FDFT1: variants seen among roughly 807,000 people sequenced by gnomAD.
FDFT1 encodes farnesyl-diphosphate farnesyltransferase 1, also known as squalene synthase.
In FDFT1, 68 loss-of-function variants were observed where a neutral mutation model predicts 46.8. The ratio of observed to expected loss-of-function variants is 1.45; its 90% CI spans 1.19 to 1.78. The LOEUF (loss-of-function observed/expected upper bound fraction) is 1.78, where lower values mean the gene tolerates loss of function less well. Among genes scored for constraint, FDFT1 ranks in the 40% most tolerant of loss-of-function variants. FDFT1 has a pLI of 0.00. For synonymous variants in FDFT1, 351 were observed against 185.1 expected (o/e 1.90, Z -7.28); for missense variants, 928 against 524.4 (o/e 1.77, Z -7.52).
At chr8:11,825,668 A>G (rs1407508970) in intron 4 of FDFT1, among the ~76,000 whole-genome samples, 2 of 146,512 alleles carry the variant, frequency 1.4e-5, no homozygotes, top group Admixed American at 6.8e-5. Flanking sequence ...ACGTGGGCAA[A>G]TATATGAGAC....
intron 3 of FDFT1, among the ~76,000 whole-genome samples, chr8:11,818,909 T>A (rs575940700): frequency 4.6e-4 from 70 of 152,362 alleles, no homozygotes; most frequent in African/African-American, 1.6e-3. Flanking sequence ...TGTTTGCTGG[T>A]TATTTTGCCC....
intron 3 of FDFT1, among the ~76,000 whole-genome samples, chr8:11,818,891 C>T (rs1307981195): frequency 6.6e-6 from 1 of 152,152 alleles, no homozygotes; most frequent in Non-Finnish European, 1.5e-5. Flanking sequence ...TTTGATCTGT[C>T]ATTATGATGT....
chr8:11,807,134 T>G (rs1240895463), intron 1 of FDFT1, among the ~76,000 whole-genome samples: 1 of 152,058 alleles, frequency 6.6e-6, no homozygotes, highest in African/African-American at 2.4e-5. Context: ...CCATATTTTT[T>G]TAACCACTCC....
chr8:11,811,388 G>C (rs779922527), intron 3 of FDFT1, among the ~76,000 whole-genome samples: 8 of 152,206 alleles, frequency 5.3e-5, no homozygotes, highest in Non-Finnish European at 8.8e-5. Flanking sequence ...CATTTGACTT[G>C]AGTGGATTCA....
At chr8:11,813,376 A>G (rs79979368) in intron 3 of FDFT1, among the ~76,000 whole-genome samples, 1,675 of 152,320 alleles carry the variant, frequency 0.011, 26 homozygotes, top group African/African-American at 0.038. Context: ...GTTACTTACT[A>G]AATATATTTC....
rs1182464112 is a variant in FDFT1 at position 11,838,684 on chromosome 8, C to G, written c.*75C>G. ...TTTCTTTAAGGATGGATGTTGTGTT[C>G]TCTTTATTTTTTTCCTACTACTTTA... On this transcript the variant is annotated 3_prime_UTR_variant, in exon 8 of 8. Transcript: ENST00000220584. 5 of 1,180,760 alleles carry G rather than the reference C, an allele frequency of 4.2e-6. No individual in the cohort carries two copies. Among genetic ancestry groups the G allele is most frequent in the African/African-American group, 3.0e-5 (2 of 66,074 alleles). 73.1% of individuals were successfully genotyped at this position (1,180,760 alleles called of 1,614,324 possible).
chr8:11,838,796 T>C lies in FDFT1; in HGVS notation c.*187T>C. The C allele has an allele frequency of 1.7e-6, 1 of 601,046 alleles. No homozygotes were observed. Among genetic ancestry groups the C allele is most frequent in the East Asian group, 2.9e-5 (1 of 34,614 alleles). The allele number at this position is 601,046 out of a possible 1,614,324, so 37.2% of individuals were successfully genotyped here. A position where few individuals can be genotyped will look rare whatever the true frequency, so the allele number is the denominator to read the frequency against. On this transcript the variant is annotated 3_prime_UTR_variant, in exon 8 of 8. Transcript: ENST00000220584. ...CCTAAACATGAAAGGAAAGGGTGCC[T>C]CATCCCAGCAACCTGTCCTTGTGGG...
intron 3 of FDFT1, 167 bp downstream of exon 3, chr8:11,810,017 T>G: frequency 1.8e-6 from 1 of 552,922 alleles, no homozygotes; most frequent in Middle Eastern, 4.8e-4. Context: ...CCAGGCTGCC[T>G]GGGTTGGAAT....
At chr8:11,828,931 A>AT (rs370329519) in intron 5 of FDFT1, among the ~76,000 whole-genome samples, 27 of 151,904 alleles carry the variant, frequency 1.8e-4, no homozygotes, top group East Asian at 5.8e-4. Context: ...GGTTCTTCCC[A>AT]TTTTTTTTGG....
chr8:11,802,141 T>A (rs1015837282), upstream of FDFT1: 2 of 452,714 alleles, frequency 4.4e-6, no homozygotes, highest in African/African-American at 4.0e-5. Flanking sequence ...GCTCCAGGAG[T>A]GTGTGGGGCT....
rs991184475 is a variant in FDFT1, at chr8:11,838,712, C to T, written c.*103C>T. 15 of 919,462 alleles carry T rather than the reference C, an allele frequency of 1.6e-5. No homozygotes were observed. The highest frequency in any genetic ancestry group is 1.3e-4 in the South Asian group (9 of 71,792). The allele number at this position is 919,462 out of a possible 1,614,324, so 57.0% of individuals were successfully genotyped here. A position where few individuals can be genotyped will look rare whatever the true frequency, so the allele number is the denominator to read the frequency against. ...TTTATTTTTTTCCTACTACTTTAAT[C>T]CCTAAAAGAACGCTGTGTGGCTGGG... On this transcript the variant is annotated 3_prime_UTR_variant, in exon 8 of 8. Coordinates refer to ENST00000220584, the MANE Select transcript of FDFT1 (RefSeq NM_004462.5).
At chr8:11,825,476 G>T (rs1169193146) in intron 4 of FDFT1, among the ~76,000 whole-genome samples, 1 of 150,930 alleles carries the variant, frequency 6.6e-6, no homozygotes, top group Non-Finnish European at 1.5e-5. Flanking sequence ...AGAGGCAGAG[G>T]TTGCAGTGAG....
intron 3 of FDFT1, among the ~76,000 whole-genome samples, chr8:11,819,208 G>C (rs1302401928): frequency 6.6e-6 from 1 of 152,240 alleles, no homozygotes; most frequent in African/African-American, 2.4e-5. Flanking sequence ...GGTTTCTGCT[G>C]AGAGATCTGC....
chr8:11,808,587 G>A, intron 1 of FDFT1: 1 of 1,385,234 alleles, frequency 7.2e-7, no homozygotes. Context: ...GAGTCCCGCC[G>A]CGGCGCCCAG....
At chr8:11,826,788 C>G (rs758354487) in intron 5 of FDFT1, among the ~76,000 whole-genome samples, 1 of 152,218 alleles carries the variant, frequency 6.6e-6, no homozygotes, top group African/African-American at 2.4e-5. Context: ...GCACTCCAGC[C>G]TGGGCGACAG....
chr8:11,827,668 G>A (rs894433685), intron 5 of FDFT1, among the ~76,000 whole-genome samples: 1 of 152,152 alleles, frequency 6.6e-6, no homozygotes, highest in African/African-American at 2.4e-5. Context: ...GAACAAGATA[G>A]TTCACAGGAA....
Position 11,808,887 on chromosome 8 carries a change from A to ATGC in FDFT1, c.194_196dup (p.Met65_Arg66insLeu). ...TGTTATCCAGGCGCTGGATGGGGAAATGCGGTGAGTGATGGAGGCAGCGCC... is the reference window on the plus strand; with the variant it reads ...TGTTATCCAGGCGCTGGATGGGGAAATGCTGCGGTGAGTGATGGAGGCAGCGCC... On this transcript the variant is annotated inframe_insertion, in exon 2 of 8. Transcript: ENST00000220584. 1.2e-6 allele frequency: 2 copies of ATGC among 1,613,516 alleles called. No homozygotes were observed. The highest frequency in any genetic ancestry group is 1.7e-6 in the Non-Finnish European group (2 of 1,179,792).
At chr8:11,802,552 C>A, upstream of FDFT1, 1 of 587,026 alleles carries the variant, frequency 1.7e-6, no homozygotes, top group Non-Finnish European at 3.2e-6. Flanking sequence ...AGTGTTATCA[C>A]GCCAGTCTCC....
chr8:11,809,389 C>T (rs977985589), intron 2 of FDFT1: 11 of 1,170,772 alleles, frequency 9.4e-6, no homozygotes, highest in Non-Finnish European at 1.2e-5. Context: ...GTCTTCTGGT[C>T]TCCATAGTTC....
Sources: allele counts gnomAD v4.1 joint callset (sites outside exome capture counted in the v4.1 genomes callset), GRCh38; gene constraint gnomAD v4.1.1; transcripts MANE v1.5; gene names NCBI Gene and HGNC (gene_info 2026-07-23, HGNC 2026-07-21).